CAMTA1: variants seen among roughly 807,000 people sequenced by gnomAD.
The protein encoded by CAMTA1 is calmodulin binding transcription activator 1, also known as calmodulin-binding transcription activator 1.
A neutral mutation model predicts 170.9 loss-of-function variants in CAMTA1; 27 were observed. The observed-to-expected ratio is 0.16, with a 90% CI of 0.12 to 0.22. The LOEUF is 0.22. CAMTA1 is among the 10% of genes least tolerant of loss of function. The pLI is 1.00. For missense variants in CAMTA1, 1,619 were observed against 2,217.2 expected, an observed-to-expected ratio of 0.73 and a Z score of 5.42; for synonymous variants, 833 against 891.5, an observed-to-expected ratio of 0.93 and a Z score of 1.17.
intron 5 of CAMTA1, among the ~76,000 whole-genome samples, chr1:7,363,273 A>G (rs555830787): frequency 1.2e-4 from 19 of 152,346 alleles, no homozygotes; most frequent in African/African-American, 4.6e-4. Context: ...GCTGCAGTGA[A>G]TTCTTAACAA....
chr1:7,703,114 G>C (rs1314326364), intron 11 of CAMTA1, among the ~76,000 whole-genome samples: 3 of 152,188 alleles, frequency 2.0e-5, no homozygotes, highest in African/African-American at 7.2e-5. Context: ...CACTCACTGT[G>C]TACTGCAACA....
In CAMTA1 at chr1:7,426,186, G is replaced by A. The variant is rs759401648; in HGVS notation, c.439-41644G>A. ...AGCCTGACTTTAACAGTTTAAAAAG[G>A]TGAGGGCACCTCCCCCAGACCTTGC... On this transcript the variant is annotated intron_variant, in intron 5 of 22. Coordinates refer to ENST00000303635, the MANE Select transcript of CAMTA1 (RefSeq NM_015215.4). The surrounding 1 kb of genome is among the most constrained non-coding windows in gnomAD (Gnocchi z 4.8). Among the ~76,000 whole-genome samples the A allele has an allele frequency of 6.6e-6, 1 of 151,914 alleles. No homozygotes were observed. The highest frequency in any genetic ancestry group is 2.4e-5 in the African/African-American group (1 of 41,194).
intron 11 of CAMTA1, among the ~76,000 whole-genome samples, chr1:7,724,115 G>A (rs534336911): frequency 3.4e-4 from 52 of 152,248 alleles, no homozygotes; most frequent in Admixed American, 2.0e-3. Context: ...CACTGCGCCC[G>A]GCCTAAAACT....
intron 3 of CAMTA1, among the ~76,000 whole-genome samples, chr1:6,900,923 G>T (rs1350747509): frequency 6.6e-6 from 1 of 152,210 alleles, no homozygotes; most frequent in African/African-American, 2.4e-5. Flanking sequence ...TTATGGAAAT[G>T]CAAAAGATCT....
chr1:7,471,252 T>A (rs1198972351), intron 6 of CAMTA1, among the ~76,000 whole-genome samples: 1 of 152,256 alleles, frequency 6.6e-6, no homozygotes, highest in East Asian at 1.9e-4. Context: ...TCTCCATTGC[T>A]GACAAATATT....
At chr1:7,721,607 T>G (rs1299057958) in intron 11 of CAMTA1, among the ~76,000 whole-genome samples, 1 of 152,130 alleles carries the variant, frequency 6.6e-6, no homozygotes, top group Non-Finnish European at 1.5e-5. Flanking sequence ...CATTGAGTTA[T>G]GAGAGAACCC....
intron 4 of CAMTA1, among the ~76,000 whole-genome samples, chr1:7,147,417 C>A (rs1435991889): frequency 9.4e-6 from 1 of 106,414 alleles, no homozygotes; most frequent in Non-Finnish European, 1.9e-5. Context: ...GAGCGAGACT[C>A]CGTCTCAAAA....
intron 6 of CAMTA1, among the ~76,000 whole-genome samples, chr1:7,493,354 AACAT>A (rs1168185769): frequency 3.0e-5 from 4 of 133,746 alleles, no homozygotes; most frequent in Admixed American, 7.6e-5. Context: ...CACAAACACA[AACAT>A]ACAAACACAC....
At chr1:7,465,725 C>T (rs1381451283) in intron 5 of CAMTA1, among the ~76,000 whole-genome samples, 1 of 152,144 alleles carries the variant, frequency 6.6e-6, no homozygotes, top group Admixed American at 6.5e-5. Flanking sequence ...GGGCCTTCCT[C>T]TTCTTTTGTA....
intron 10 of CAMTA1, among the ~76,000 whole-genome samples, chr1:7,671,781 G>T (rs926234601): frequency 6.6e-6 from 1 of 152,142 alleles, no homozygotes; most frequent in African/African-American, 2.4e-5. Context: ...AGCATTATCT[G>T]CTTAGCACGG....
intron 3 of CAMTA1, among the ~76,000 whole-genome samples, chr1:7,023,379 T>C (rs183991213): frequency 3.9e-5 from 6 of 152,344 alleles, no homozygotes; most frequent in African/African-American, 9.6e-5. Context: ...GGACTCCCAA[T>C]GTAGATAAGC....
intron 3 of CAMTA1, among the ~76,000 whole-genome samples, chr1:7,086,858 G>A (rs1238570236): frequency 1.3e-5 from 2 of 152,210 alleles, no homozygotes; most frequent in South Asian, 2.1e-4. Context: ...GCTACTGTGA[G>A]CGATGCTACT....
chr1:6,817,539 T>C (rs1427433866), intron 1 of CAMTA1, among the ~76,000 whole-genome samples: 17 of 152,210 alleles, frequency 1.1e-4, no homozygotes, highest in Admixed American at 1.1e-3. Flanking sequence ...GAAAGTAATG[T>C]TGGATTTTCC....
chr1:7,080,353 C>T (rs1488444982), intron 3 of CAMTA1, among the ~76,000 whole-genome samples: 1 of 152,176 alleles, frequency 6.6e-6, no homozygotes, highest in Non-Finnish European at 1.5e-5. Flanking sequence ...GCCTTTCAAA[C>T]TATGATCTGG....
At chr1:7,603,538 G>A (rs2095463035) in intron 6 of CAMTA1, among the ~76,000 whole-genome samples, 1 of 152,110 alleles carries the variant, frequency 6.6e-6, no homozygotes, top group African/African-American at 2.4e-5. Context: ...TTGCTTGGTA[G>A]ATCTTCCTCC....
chr1:7,355,478 CTG>C (rs2085038444), intron 5 of CAMTA1, among the ~76,000 whole-genome samples: 1 of 152,214 alleles, frequency 6.6e-6, no homozygotes, highest in Admixed American at 6.5e-5. Flanking sequence ...GCCTGAATTT[CTG>C]TCTTTCCCTC....
intron 6 of CAMTA1, among the ~76,000 whole-genome samples, chr1:7,626,671 GT>G (rs2095635767): frequency 6.6e-6 from 1 of 151,944 alleles, no homozygotes; most frequent in Admixed American, 6.5e-5. Flanking sequence ...ACAGCAGAGG[GT>G]GGGGGTCGGG....
At chr1:7,323,974 G>A (rs930116964) in intron 5 of CAMTA1, among the ~76,000 whole-genome samples, 9 of 152,178 alleles carry the variant, frequency 5.9e-5, no homozygotes, top group African/African-American at 1.9e-4. Flanking sequence ...TGTATGTTCT[G>A]TGGTGCAATG....
intron 4 of CAMTA1, among the ~76,000 whole-genome samples, chr1:7,201,674 A>G (rs1656730788): frequency 6.6e-6 from 1 of 152,084 alleles, no homozygotes; most frequent in Non-Finnish European, 1.5e-5. Flanking sequence ...TATATTTTCC[A>G]TTTGTATTTC....
Sources: gnomAD v4.1 joint callset for allele counts (sites outside exome capture counted in the v4.1 genomes callset) on GRCh38, gnomAD v4.1.1 for gene constraint, Gnocchi (gnomAD v3.1) non-coding constraint, MANE v1.5 for transcripts, NCBI Gene and HGNC (gene_info 2026-07-23, HGNC 2026-07-21) for gene names.